Variants in AMBRA1 observed in about 807,000 individuals in gnomAD.
AMBRA1 encodes the protein autophagy and beclin 1 regulator 1.
A neutral mutation model predicts 125.4 loss-of-function variants in AMBRA1; 47 were observed. The observed-to-expected ratio is 0.37, with a 90% CI of 0.30 to 0.48. AMBRA1 has a LOEUF of 0.48. Among genes scored for constraint, AMBRA1 ranks in the 20% least tolerant of loss-of-function variants. The pLI, the probability that AMBRA1 is intolerant of heterozygous loss-of-function variation, is 0.99. For missense variants in AMBRA1, 1,331 were observed against 1,693.4 expected, an observed-to-expected ratio of 0.79 and a Z score of 3.76; for synonymous variants, 626 against 655.5, an observed-to-expected ratio of 0.95 and a Z score of 0.69.
chr11:46,529,095 A>G (rs1180311719), intron 7 of AMBRA1, among the ~76,000 whole-genome samples: 2 of 152,218 alleles, frequency 1.3e-5, no homozygotes, highest in Non-Finnish European at 2.9e-5. Context: ...TTTCCTGGCA[A>G]GTGACACCCA....
At chr11:46,516,213 C>G (rs1300787795) in intron 7 of AMBRA1, among the ~76,000 whole-genome samples, 1 of 152,124 alleles carries the variant, frequency 6.6e-6, no homozygotes, top group Non-Finnish European at 1.5e-5. Flanking sequence ...TGTCACTTTA[C>G]TGCTAATGCA....
intron 11 of AMBRA1, among the ~76,000 whole-genome samples, chr11:46,467,418 T>A (rs1318336362): frequency 1.3e-5 from 2 of 152,188 alleles, no homozygotes; most frequent in Admixed American, 1.3e-4. Context: ...TCCTTTCACA[T>A]GCAATTTTGT....
At chr11:46,452,387 T>C (rs937728873) in intron 11 of AMBRA1, among the ~76,000 whole-genome samples, 13 of 152,214 alleles carry the variant, frequency 8.5e-5, no homozygotes, top group African/African-American at 2.9e-4. Context: ...CTCACTATGT[T>C]GCCCGGCTTG....
At chr11:46,515,198 G>C (rs1951422231) in intron 7 of AMBRA1, among the ~76,000 whole-genome samples, 1 of 152,182 alleles carries the variant, frequency 6.6e-6, no homozygotes, top group South Asian at 2.1e-4. Context: ...TCTTGGCTGG[G>C]CGTGGTGCCT....
chr11:46,573,460 C>A (rs1161359321), intron 1 of AMBRA1, among the ~76,000 whole-genome samples: 1 of 151,816 alleles, frequency 6.6e-6, no homozygotes, highest in Non-Finnish European at 1.5e-5. Context: ...TGCTGTACCA[C>A]ACTCCCTAAG....
chr11:46,424,762 C>G (rs903396820), intron 14 of AMBRA1, among the ~76,000 whole-genome samples: 1 of 152,062 alleles, frequency 6.6e-6, no homozygotes, highest in Non-Finnish European at 1.5e-5. Context: ...ATTGCTTGAG[C>G]CCAGTTATTA....
intron 15 of AMBRA1, among the ~76,000 whole-genome samples, chr11:46,412,038 G>A (rs976864563): frequency 2.6e-5 from 4 of 152,140 alleles, no homozygotes; most frequent in African/African-American, 7.2e-5. Flanking sequence ...TTTTCACTGC[G>A]CTGTAGTAAA....
chr11:46,557,736 A>G (rs888400758), intron 1 of AMBRA1, among the ~76,000 whole-genome samples: 1 of 152,202 alleles, frequency 6.6e-6, no homozygotes, highest in African/African-American at 2.4e-5. Flanking sequence ...TGAGCCCAGG[A>G]GGTCGAGGCT....
At chr11:46,503,992 C>T (rs1950936938) in intron 9 of AMBRA1, among the ~76,000 whole-genome samples, 1 of 152,200 alleles carries the variant, frequency 6.6e-6, no homozygotes, top group Non-Finnish European at 1.5e-5. Flanking sequence ...AGCTGCCACA[C>T]CCGGCTCTAG....
At chr11:46,471,117 A>C (rs912932423) in intron 11 of AMBRA1, among the ~76,000 whole-genome samples, 116 of 152,302 alleles carry the variant, frequency 7.6e-4, no homozygotes, top group African/African-American at 2.7e-3. Context: ...CCATTTGCCC[A>C]TGGTCTCCAG....
At chr11:46,547,742 G>T in intron 3 of AMBRA1, 75 bp downstream of exon 3, 2 of 1,427,254 alleles carry the variant, frequency 1.4e-6, no homozygotes, top group African/African-American at 1.4e-5. Flanking sequence ...GGACTGACTT[G>T]GAAGATCAAG....
chr11:46,428,928 C>T (rs1460797432), intron 14 of AMBRA1: 9 of 1,611,916 alleles, frequency 5.6e-6, no homozygotes, highest in Admixed American at 1.7e-5. Flanking sequence ...TACTGGATAC[C>T]CTCATTGGTA....
intron 11 of AMBRA1, among the ~76,000 whole-genome samples, chr11:46,493,257 C>T (rs1950526304): frequency 6.6e-6 from 1 of 152,172 alleles, no homozygotes; most frequent in Non-Finnish European, 1.5e-5. Flanking sequence ...ATCACAGGAT[C>T]TGGCTCATGA....
intron 1 of AMBRA1, chr11:46,591,565 C>G (rs528308324): frequency 2.6e-5 from 4 of 152,358 alleles, no homozygotes; most frequent in African/African-American, 9.6e-5. Flanking sequence ...ACCCTTAAAA[C>G]CACTCTCTTA....
At chr11:46,582,313 G>C (rs1354712519) in intron 1 of AMBRA1, among the ~76,000 whole-genome samples, 1 of 151,842 alleles carries the variant, frequency 6.6e-6, no homozygotes, top group Non-Finnish European at 1.5e-5. Flanking sequence ...TATCCTTCTA[G>C]TCTCTGCTTA....
At chr11:46,408,785 A>G (rs1946145434) in intron 16 of AMBRA1, 79 bp from the exon 17 acceptor site, 1 of 1,383,264 alleles carries the variant, frequency 7.2e-7, no homozygotes, top group East Asian at 2.6e-5. Context: ...CTCTGTGCCA[A>G]TCCTCAGGGC....
At chr11:46,578,796 G>C (rs2044059131) in intron 1 of AMBRA1, among the ~76,000 whole-genome samples, 3 of 147,210 alleles carry the variant, frequency 2.0e-5, no homozygotes, top group African/African-American at 5.0e-5. Context: ...CAGGAGAATG[G>C]TGTGAACCCG....
chr11:46,584,238 T>C (rs575600296), intron 1 of AMBRA1, among the ~76,000 whole-genome samples: 5,636 of 146,328 alleles, frequency 0.039, 361 homozygotes, highest in African/African-American at 0.14. Flanking sequence ...ATGGATGAAA[T>C]TGGAAATCAT....
rs1397145118 is a variant in AMBRA1, at chr11:46,542,232, C to T, written c.1785G>A (p.Glu595=). The T allele has an allele frequency of 1.2e-6, 2 of 1,614,010 alleles. No homozygotes were observed. Among genetic ancestry groups the T allele is most frequent in the Non-Finnish European group, 1.7e-6 (2 of 1,180,020 alleles). Reference sequence around the variant, plus strand: ...TGGGGACCTGCCAAGAGGAACTAGCCTCGCCAGAGGAGTAGTTAGGTGTGG... The same window carrying T: ...TGGGGACCTGCCAAGAGGAACTAGCTTCGCCAGAGGAGTAGTTAGGTGTGG... ...ERTTPNYSSG[E]ASSSWQVPSS... is the part of the protein sequence containing the mutation. The change falls in exon 7 of 18, where the codon GAG becomes GAA. Residue 595 remains glutamate, a synonymous_variant. Coordinates refer to ENST00000683756, the MANE Select transcript of AMBRA1 (RefSeq NM_001387011.1). The surrounding 1 kb of genome is among the most constrained non-coding windows in gnomAD (Gnocchi z 5.9).
Sources: gnomAD v4.1 joint callset for allele counts (sites outside exome capture counted in the v4.1 genomes callset) on GRCh38, gnomAD v4.1.1 for gene constraint, Gnocchi (gnomAD v3.1) non-coding constraint, MANE v1.5 for transcripts, NCBI Gene and HGNC (gene_info 2026-07-23, HGNC 2026-07-21) for gene names.